Variants in ZCWPW1 observed in about 807,000 individuals in gnomAD.
The protein encoded by ZCWPW1 is zinc finger CW-type PWWP domain protein 1.
ZCWPW1 carries 56 observed loss-of-function variants against 81.3 expected under a neutral mutation model. The ratio of observed to expected loss-of-function variants is 0.69; its 90% CI spans 0.56 to 0.86. The LOEUF (loss-of-function observed/expected upper bound fraction) is 0.86. Ranked by LOEUF, ZCWPW1 falls within the 40% of genes least tolerant of loss-of-function variation. ZCWPW1 has a pLI of 0.00. For synonymous variants in ZCWPW1, 250 were observed against 273.7 expected, an observed-to-expected ratio of 0.91 and a Z score of 0.86; for missense variants, 650 against 769.8, an observed-to-expected ratio of 0.84 and a Z score of 1.84.
Position 100,405,103 on chromosome 7 carries a change from A to C in ZCWPW1, c.1174-10T>G. ...CATTTCTGCGCTTTTTCTGAAATAGAAGATTAGAGCCAATGATAAATATTG... is the reference window on the plus strand; with the variant it reads ...CATTTCTGCGCTTTTTCTGAAATAGCAGATTAGAGCCAATGATAAATATTG... On this transcript the variant is annotated splice_polypyrimidine_tract_variant and intron_variant, in intron 12 of 17. Transcript: ENST00000684423. The C allele has an allele frequency of 3.1e-6, 5 of 1,610,794 alleles. No individual in the cohort carries two copies. The highest frequency in any genetic ancestry group is 4.2e-6 in the Non-Finnish European group (5 of 1,178,642).
At position 100,403,683 on chromosome 7, in the gene ZCWPW1, G is replaced by C; in HGVS notation, c.1413+11C>G. The C allele has an allele frequency of 6.3e-7, 1 of 1,599,086 alleles. No homozygotes were observed. The highest frequency in any genetic ancestry group is 8.5e-7 in the Non-Finnish European group (1 of 1,171,622). ...TATAAAAATAAAAACTGAAATTAAA[G>C]CTAATCTTACTGTTTTCTCTCCTTC... On this transcript the variant is annotated intron_variant, in intron 15 of 17. Coordinates refer to ENST00000684423, the MANE Select transcript of ZCWPW1 (RefSeq NM_001386010.1).
At position 100,424,373 on chromosome 7, in the gene ZCWPW1, T is replaced by C. The variant is rs147650625; in HGVS notation, c.-30+657A>G. Among the ~76,000 whole-genome samples the C allele has an allele frequency of 4.1e-3, 617 of 152,270 alleles. 4 individuals carry two copies. Among genetic ancestry groups the C allele is most frequent in the Non-Finnish European group, 6.1e-3 (415 of 68,014 alleles). Reference sequence around the variant, plus strand: ...CCTCTGGGGAGTAGAACTGGGTAGATGAGAGTGAAAGGAAGCTTTTGGTGG... The same window carrying C: ...CCTCTGGGGAGTAGAACTGGGTAGACGAGAGTGAAAGGAAGCTTTTGGTGG... On this transcript the variant is annotated intron_variant, in intron 2 of 17. Transcript: ENST00000684423.
At position 100,422,326 on chromosome 7, in the gene ZCWPW1, C is replaced by A. The variant is rs576473076; in HGVS notation, c.-29-1648G>T. Among the ~76,000 whole-genome samples the A allele has an allele frequency of 1.5e-4, 23 of 152,262 alleles. 1 individual carries two copies. The South Asian group carries it at 4.8e-3, about 32-fold the overall frequency. On this transcript the variant is annotated intron_variant, in intron 2 of 17. Coordinates refer to ENST00000684423, the MANE Select transcript of ZCWPW1 (RefSeq NM_001386010.1). ...ACACACAGAAAACATACATTAATAG[C>A]GTATACTGAAACACATAGAAAATGA... is the stretch of plus-strand genomic sequence containing the variant.
intron 10 of ZCWPW1, 151 bp downstream of exon 10, chr7:100,408,388 G>T: frequency 8.8e-7 from 1 of 1,142,518 alleles, no homozygotes; most frequent in Non-Finnish European, 1.2e-6. Context: ...AAAGCCTCCA[G>T]GCTTGGTACT....
intron 12 of ZCWPW1, 113 bp downstream of exon 12, chr7:100,406,581 T>C: frequency 1.0e-6 from 1 of 991,848 alleles, no homozygotes; most frequent in Non-Finnish European, 1.5e-6. Flanking sequence ...TTGGCACACC[T>C]GGTCAGACAC....
At chr7:100,428,433 A>AT (rs1024132018) in intron 1 of ZCWPW1, 135 bp downstream of exon 1, 12 of 152,232 alleles carry the variant, frequency 7.9e-5, no homozygotes, top group East Asian at 1.9e-4. Context: ...GGTGTCACAT[A>AT]TTTTTAGGCG....
At chr7:100,404,349 C>A in intron 13 of ZCWPW1, 105 bp from the exon 14 acceptor site, 1 of 1,041,596 alleles carries the variant, frequency 9.6e-7, no homozygotes. Context: ...ATTCATTTTC[C>A]ATACCAAAAT....
intron 5 of ZCWPW1, among the ~76,000 whole-genome samples, chr7:100,418,195 C>T (rs1795702262): frequency 6.6e-6 from 1 of 152,088 alleles, no homozygotes; most frequent in South Asian, 2.1e-4. Flanking sequence ...TCCCTCACTG[C>T]GTTCTTTATT....
At chr7:100,421,318 G>A (rs2130825512) in intron 2 of ZCWPW1, among the ~76,000 whole-genome samples, 1 of 152,272 alleles carries the variant, frequency 6.6e-6, no homozygotes, top group East Asian at 1.9e-4. Context: ...GAACAATCCT[G>A]GCAGTTAAGA....
Position 100,417,068 on chromosome 7 carries a change from A to G in ZCWPW1, c.477T>C (p.Asn159=), listed in dbSNP as rs780256489. 1.9e-6 allele frequency: 3 copies of G among 1,612,676 alleles called. No homozygotes were observed. Among genetic ancestry groups the G allele is most frequent in the Non-Finnish European group, 2.5e-6 (3 of 1,178,754 alleles). ...TTGCCTCACTGAAATAAACTTACCC[A>G]TTAGCATTATCAGTATCAGTAGCAG... The part of the protein sequence containing the change: ...TASATDTDNA[N]GEEVPHTQEI... The change falls in exon 6 of 18, where the codon AAT becomes AAC. Residue 159 remains asparagine (N), a splice_region_variant and synonymous_variant. Coordinates refer to ENST00000684423, the MANE Select transcript of ZCWPW1 (RefSeq NM_001386010.1).
At chr7:100,406,907 C>T in intron 11 of ZCWPW1, 109 bp from the exon 12 acceptor site, 3 of 951,078 alleles carry the variant, frequency 3.2e-6, no homozygotes, top group Non-Finnish European at 3.2e-6. Context: ...AGGTGCTGGG[C>T]CTCACATACT....
chr7:100,417,032 C>G, intron 6 of ZCWPW1, 34 bp downstream of exon 6: 2 of 1,468,702 alleles, frequency 1.4e-6, no homozygotes, highest in African/African-American at 2.8e-5. Context: ...GTAGTCCATT[C>G]TGTGTTCAAC....
In ZCWPW1 at chr7:100,416,296, T is replaced by G; in HGVS notation, c.631+9A>C. The G allele has an allele frequency of 1.2e-6, 2 of 1,613,744 alleles. No homozygotes were observed. Among genetic ancestry groups the G allele is most frequent in the Non-Finnish European group, 1.7e-6 (2 of 1,179,886 alleles). On this transcript the variant is annotated intron_variant, in intron 7 of 17. Coordinates refer to ENST00000684423, the MANE Select transcript of ZCWPW1 (RefSeq NM_001386010.1). ...AGCCAGGCTTCAAAGTATATCTGAC[T>G]GTACTTACGAGCTTCCTTCTTTCTT...
chr7:100,423,006 C>T (rs1796614353), intron 2 of ZCWPW1, among the ~76,000 whole-genome samples: 1 of 152,146 alleles, frequency 6.6e-6, no homozygotes, highest in South Asian at 2.1e-4. Context: ...CAGCCCTTCA[C>T]CCAGTTTTCT....
At chr7:100,405,204 T>TGGGC (rs1792739342) in intron 12 of ZCWPW1, 111 bp from the exon 13 acceptor site, 4 of 962,758 alleles carry the variant, frequency 4.2e-6, no homozygotes, top group Non-Finnish European at 6.3e-6. Context: ...CCGAGTCAGG[T>TGGGC]AGATCACGAG....
rs1171403919 is a variant in ZCWPW1, at chr7:100,416,445, G to A, written c.491C>T (p.Pro164Leu). 6.2e-7 allele frequency: 1 copy of A among 1,613,726 alleles called. No individual in the cohort carries two copies. Among genetic ancestry groups the A allele is most frequent in the Non-Finnish European group, 8.5e-7 (1 of 1,179,896 alleles). Residue 164 changes from proline to leucine, a missense_variant, in exon 7 of 18, where the codon CCA becomes CTA. Pro to Leu is a moderately conservative substitution (Grantham distance 98, BLOSUM62 -3). Transcript: ENST00000684423. ...AGACACTGAAATCTCTTGAGTATGT[G>A]GTACCTCCTCTCTGAAAATGAGGTT... is the stretch of plus-strand genomic sequence containing the variant. ...DTDNANGEEV[P>L]HTQEISVSWE... is the part of the protein sequence containing the mutation.
At chr7:100,411,269 C>CTT (rs772677389) in intron 8 of ZCWPW1, among the ~76,000 whole-genome samples, 3 of 144,568 alleles carry the variant, frequency 2.1e-5, no homozygotes, top group South Asian at 2.2e-4. Context: ...TTCGCAATTA[C>CTT]TTTTTTTTTT....
intron 8 of ZCWPW1, among the ~76,000 whole-genome samples, chr7:100,411,244 C>T (rs1333655622): frequency 1.4e-5 from 2 of 143,600 alleles, no homozygotes; most frequent in Non-Finnish European, 3.1e-5. Context: ...CAAAATATCA[C>T]ATATAAGGAT....
At chr7:100,423,632 A>G (rs1053577710) in intron 2 of ZCWPW1, among the ~76,000 whole-genome samples, 4 of 152,158 alleles carry the variant, frequency 2.6e-5, no homozygotes, top group African/African-American at 9.7e-5. Context: ...TAAGGGGCAC[A>G]TTTTCTTGCT....
Sources: gnomAD v4.1 joint callset for allele counts (sites outside exome capture counted in the v4.1 genomes callset) on GRCh38, gnomAD v4.1.1 for gene constraint, MANE v1.5 for transcripts, NCBI Gene and HGNC (gene_info 2026-07-23, HGNC 2026-07-21) for gene names.